UROC1: variants seen among roughly 807,000 people sequenced by gnomAD.
UROC1 encodes urocanate hydratase 1.
A neutral mutation model predicts 89.5 loss-of-function variants in UROC1; 79 were observed. The observed-to-expected ratio is 0.88, with a 90% CI of 0.74 to 1.06. The LOEUF (loss-of-function observed/expected upper bound fraction) is 1.06. Ranked by LOEUF, UROC1 falls within the 50% of genes least tolerant of loss-of-function variation. The probability of loss-of-function intolerance (pLI) is 0.00; values close to 1 mark genes in which losing one functional copy is unlikely to be tolerated. For missense variants in UROC1, 885 were observed against 907.8 expected, an observed-to-expected ratio of 0.97 and a Z score of 0.32; for synonymous variants, 361 against 354.8, an observed-to-expected ratio of 1.02 and a Z score of -0.20.
At chr3:126,501,844 T>G in intron 9 of UROC1, 1 of 1,599,224 alleles carries the variant, frequency 6.3e-7, no homozygotes, top group Non-Finnish European at 8.5e-7. Flanking sequence ...GCACCTCCCC[T>G]CCCCCAGGGG....
intron 15 of UROC1, among the ~76,000 whole-genome samples, 153 bp downstream of exon 15, chr3:126,495,885 A>C (rs1461056671): frequency 1.3e-5 from 2 of 152,206 alleles, no homozygotes; most frequent in Non-Finnish European, 2.9e-5. Flanking sequence ...GGGCTGGCAC[A>C]AACAGTCACA....
intron 9 of UROC1, 55 bp downstream of exon 9, chr3:126,503,940 C>G: frequency 1.1e-5 from 18 of 1,606,032 alleles, no homozygotes; most frequent in Non-Finnish European, 1.4e-5. Context: ...CTCTTGTGGT[C>G]TCCTGCTGCC....
rs144114875 is a variant in UROC1 at position 126,489,294 on chromosome 3, C to T, written c.1690G>A (p.Gly564Ser). 6.7e-5 allele frequency: 108 copies of T among 1,613,728 alleles called. No individual in the cohort carries two copies. The African/African-American group carries it at 1.2e-3, about 18-fold the overall frequency. The part of the protein sequence containing the change: ...PFRETSNIYD[G>S]SAFCADMAVQ... ...TCCTCACCTGCACAGAAGGCAGAGC[C>T]GTCGTAAATGTTGGAGGTCTCCCTA... The change falls in exon 17 of 20, where the codon GGC (glycine) becomes AGC (serine). Residue 564 changes from glycine (G) to serine (S), a missense_variant. By Grantham distance (56) the Gly-to-Ser change is moderately conservative (BLOSUM62 0). Coordinates refer to ENST00000290868, the MANE Select transcript of UROC1 (RefSeq NM_144639.3).
At chr3:126,484,647 C>T (rs1935471251) in intron 18 of UROC1, among the ~76,000 whole-genome samples, 2 of 152,196 alleles carry the variant, frequency 1.3e-5, no homozygotes, top group South Asian at 4.1e-4. Flanking sequence ...CCCCTTGCAG[C>T]CACCTACACT....
chr3:126,499,559 GGCCA>G, intron 12 of UROC1, 150 bp from the exon 13 acceptor site: 1 of 821,844 alleles, frequency 1.2e-6, no homozygotes, highest in South Asian at 1.5e-5. Context: ...GGGCAGCCGT[GGCCA>G]GCATGCTGCT....
Position 126,517,694 on chromosome 3 carries a change from G to A in UROC1, c.26C>T (p.Ser9Phe). 1 of 1,592,930 alleles carries A rather than the reference G, an allele frequency of 6.3e-7. No homozygotes were observed. The highest frequency in any genetic ancestry group is 8.5e-7 in the Non-Finnish European group (1 of 1,170,200). The change falls in exon 1 of 20, where the codon TCT becomes TTT. Residue 9 changes from serine to phenylalanine, a missense_variant. Physicochemically the swap from Ser to Phe is radical, Grantham distance 155. Transcript: ENST00000290868. ...TGGGAGGGGCCGCAGGGGCAGGCCAGAGCACAGCGCCTGGAGGCTAGACAT... is the reference window on the plus strand; with the variant it reads ...TGGGAGGGGCCGCAGGGGCAGGCCAAAGCACAGCGCCTGGAGGCTAGACAT... MSSLQALC[S>F]GLPLRPLPEN...
chr3:126,514,480 A>G (rs936631571), intron 1 of UROC1, among the ~76,000 whole-genome samples: 3 of 152,146 alleles, frequency 2.0e-5, no homozygotes, highest in African/African-American at 7.2e-5. Flanking sequence ...TGTCCTGATT[A>G]ACTTGGCAAA....
At chr3:126,517,479 A>T in intron 1 of UROC1, 115 bp downstream of exon 1, 1 of 1,526,424 alleles carries the variant, frequency 6.6e-7, no homozygotes. Context: ...CCTGGAGTCC[A>T]GGGTGGGCGG....
At chr3:126,512,253 C>G (rs1560128636) in intron 1 of UROC1, among the ~76,000 whole-genome samples, 1 of 152,204 alleles carries the variant, frequency 6.6e-6, no homozygotes, top group Non-Finnish European at 1.5e-5. Flanking sequence ...GCAACCTCAG[C>G]AGAGGAGGAG....
chr3:126,485,764 C>T (rs555280496), intron 18 of UROC1, among the ~76,000 whole-genome samples: 6 of 151,772 alleles, frequency 4.0e-5, no homozygotes, highest in Admixed American at 1.3e-4. Context: ...CAATAATCTG[C>T]ATTTTAATGA....
chr3:126,517,626 T>C lies in UROC1; in HGVS notation c.94A>G (p.Arg32Gly). Residue 32 changes from arginine (R) to glycine (G), a missense_variant, in exon 1 of 20, where the codon AGG (arginine) becomes GGG (glycine). Arg to Gly is a moderately radical substitution (Grantham distance 125). Coordinates refer to ENST00000290868, the MANE Select transcript of UROC1 (RefSeq NM_144639.3). Reference sequence around the variant, plus strand: ...TCCACAGGGCTGAGGCTGGGGGTCCTGACAGGGGCATGGGGCACCCCAGCC... The same window carrying C: ...TCCACAGGGCTGAGGCTGGGGGTCCCGACAGGGGCATGGGGCACCCCAGCC... ...RQAGVPHAPV[R>G]TPSLSPVEKQ... The C allele has an allele frequency of 6.2e-7, 1 of 1,612,044 alleles. No homozygotes were observed. The highest frequency in any genetic ancestry group is 2.2e-5 in the East Asian group (1 of 44,858).
chr3:126,487,990 A>C (rs1560115803), intron 18 of UROC1, among the ~76,000 whole-genome samples: 1 of 152,194 alleles, frequency 6.6e-6, no homozygotes, highest in Admixed American at 6.5e-5. Context: ...AGACCCAGAG[A>C]GGTGGGGTGG....
chr3:126,502,370 G>A (rs1284670805), intron 9 of UROC1, among the ~76,000 whole-genome samples: 1 of 151,748 alleles, frequency 6.6e-6, no homozygotes, highest in Non-Finnish European at 1.5e-5. Context: ...ATGCATGTTT[G>A]TGTACATGTG....
In UROC1 at chr3:126,507,790, T is replaced by C. The variant is rs1936102316; in HGVS notation, c.554A>G (p.Tyr185Cys). The change falls in exon 6 of 20, where the codon TAC (tyrosine) becomes TGC (cysteine). Residue 185 changes from tyrosine to cysteine, a missense_variant. By Grantham distance (194) the Tyr-to-Cys change is radical (BLOSUM62 -2). Transcript: ENST00000290868. ...VITNGMVIPNYSSRTEYEKLF... is the reference protein window; with the variant it reads ...VITNGMVIPNCSSRTEYEKLF... ...CTTCTCATACTCCGTCCGGGAGGAG[T>C]AGTTGGGAATGACCTGGAGAAGAGG... 1.2e-6 allele frequency: 2 copies of C among 1,613,042 alleles called. No homozygotes were observed. Among genetic ancestry groups the C allele is most frequent in the East Asian group, 2.2e-5 (1 of 44,838 alleles).
chr3:126,485,437 G>A (rs776294615), intron 18 of UROC1, among the ~76,000 whole-genome samples: 6 of 152,052 alleles, frequency 3.9e-5, no homozygotes, highest in Non-Finnish European at 7.4e-5. Flanking sequence ...CGTGTGGGTG[G>A]GTGGGGGAGG....
At chr3:126,500,974 A>T in intron 10 of UROC1, 100 bp from the exon 11 acceptor site, 1 of 1,513,510 alleles carries the variant, frequency 6.6e-7, no homozygotes, top group South Asian at 1.1e-5. Context: ...CCCACCCACA[A>T]ATCCAGCAGG....
chr3:126,510,503 G>A (rs1039015616), intron 2 of UROC1, among the ~76,000 whole-genome samples, 161 bp downstream of exon 2: 11 of 152,288 alleles, frequency 7.2e-5, no homozygotes, highest in African/African-American at 1.7e-4. Context: ...TCCGGCTCCC[G>A]AGGCGACGAC....
chr3:126,510,722 C>T lies in UROC1; in HGVS notation c.199G>A (p.Glu67Lys), dbSNP rs1394668300. ...TAGATGTGTCCGTACAGTTGCAGCT[C>T]CTGGGCAAACTCTGGGGCCAGCAGC... Reference protein sequence around the residue: ...QELLAPEFAQELQLYGHIYMY... With the variant: ...QELLAPEFAQKLQLYGHIYMY... Residue 67 changes from glutamate (E) to lysine (K), a missense_variant, in exon 2 of 20, where the codon GAG becomes AAG. By Grantham distance (56) the Glu-to-Lys change is moderately conservative. Coordinates refer to ENST00000290868, the MANE Select transcript of UROC1 (RefSeq NM_144639.3). 2 of 1,614,214 alleles carry T rather than the reference C, an allele frequency of 1.2e-6. No individual in the cohort carries two copies. The highest frequency in any genetic ancestry group is 1.7e-6 in the Non-Finnish European group (2 of 1,180,052).
At chr3:126,501,437 C>T (rs1935921455) in intron 9 of UROC1, 157 bp from the exon 10 acceptor site, 2 of 809,762 alleles carry the variant, frequency 2.5e-6, no homozygotes, top group Non-Finnish European at 2.0e-6. Context: ...ATGAAGCATG[C>T]CTGCAGGACC....
Sources: gnomAD v4.1 joint callset for allele counts (sites outside exome capture counted in the v4.1 genomes callset) on GRCh38, gnomAD v4.1.1 for gene constraint, MANE v1.5 for transcripts, NCBI Gene and HGNC (gene_info 2026-07-23, HGNC 2026-07-21) for gene names.